The following ERC1 variants were observed in gnomAD, a reference collection of about 807,000 sequenced individuals.
The protein encoded by ERC1 is ELKS/RAB6-interacting/CAST family member 1, also known as RAB6 interacting protein 2.
ERC1 carries 56 observed loss-of-function variants against 132.0 expected under a neutral mutation model. The ratio of observed to expected loss-of-function variants is 0.42; its 90% confidence interval spans 0.34 to 0.53. The LOEUF (loss-of-function observed/expected upper bound fraction) is 0.53. ERC1 is among the 20% of genes least tolerant of loss of function. The pLI is 0.03. For synonymous variants in ERC1, 478 were observed against 476.1 expected, an observed-to-expected ratio of 1.00 and a Z score of -0.05; for missense variants, 1,202 against 1,349.9, an observed-to-expected ratio of 0.89 and a Z score of 1.72.
In ERC1 at chr12:1,371,978, GTAT is replaced by G. The variant is rs757968640; in HGVS notation, c.2925+7_2925+9del. The G allele has an allele frequency of 6.2e-6, 10 of 1,613,048 alleles. No individual in the cohort carries two copies. The African/African-American group carries it at 8.0e-5, about 13-fold the overall frequency. On this transcript the variant is annotated splice_donor_variant and splice_donor_region_variant and intron_variant, in intron 16 of 18. Coordinates refer to ENST00000360905, the MANE Select transcript of ERC1 (RefSeq NM_178040.4). LOFTEE classifies it high-confidence loss of function. ...TCTGGTACAGCAGCTTAAGCAGCAG[GTAT>G]TATTAAATGCCAGCAGGAGGGTCAG... is the stretch of plus-strand genomic sequence containing the variant.
chr12:1,269,890 A>G (rs1298105788), intron 14 of ERC1, among the ~76,000 whole-genome samples: 1 of 152,148 alleles, frequency 6.6e-6, no homozygotes, highest in Admixed American at 6.5e-5. Context: ...TCTATTCCTC[A>G]GAGGTGAAAA....
chr12:1,272,772 G>A (rs1402697077), intron 14 of ERC1, among the ~76,000 whole-genome samples: 2 of 151,654 alleles, frequency 1.3e-5, no homozygotes, highest in Non-Finnish European at 2.9e-5. Context: ...AGATGGTGAA[G>A]CCCCATCTCT....
chr12:1,361,595 C>A (rs183003874), intron 15 of ERC1, among the ~76,000 whole-genome samples: 27 of 152,152 alleles, frequency 1.8e-4, no homozygotes, highest in African/African-American at 6.3e-4. Flanking sequence ...AAAACTAAGA[C>A]CTATATCTAA....
intron 15 of ERC1, among the ~76,000 whole-genome samples, chr12:1,303,238 C>T (rs2080549629): frequency 6.6e-6 from 1 of 152,190 alleles, no homozygotes; most frequent in Non-Finnish European, 1.5e-5. Flanking sequence ...TCAATGGACT[C>T]TTCCTTTCAC....
chr12:1,453,864 A>G (rs1026962549), intron 18 of ERC1, among the ~76,000 whole-genome samples: 2 of 152,218 alleles, frequency 1.3e-5, no homozygotes, highest in African/African-American at 4.8e-5. Flanking sequence ...TGATATAATA[A>G]GAAATACACA....
chr12:1,110,451 C>A, intron 5 of ERC1, 104 bp downstream of exon 5: 1 of 916,968 alleles, frequency 1.1e-6, no homozygotes, highest in Non-Finnish European at 1.6e-6. Context: ...ACTCTTTTAT[C>A]AGGTTTCAGG....
intron 3 of ERC1, among the ~76,000 whole-genome samples, chr12:1,104,145 T>G (rs1003879680): frequency 1.3e-5 from 2 of 151,252 alleles, no homozygotes; most frequent in Non-Finnish European, 2.9e-5. Flanking sequence ...AAAAAAAAGC[T>G]ATGTTTTTCT....
intron 18 of ERC1, among the ~76,000 whole-genome samples, chr12:1,478,699 G>A (rs920460658): frequency 1.3e-5 from 2 of 152,096 alleles, no homozygotes; most frequent in African/African-American, 4.8e-5. Flanking sequence ...TGAGGCAGGA[G>A]GATGGTGTGA....
chr12:1,222,296 C>G (rs985734172), intron 12 of ERC1, among the ~76,000 whole-genome samples: 7 of 150,976 alleles, frequency 4.6e-5, no homozygotes, highest in Admixed American at 6.6e-5. Context: ...GTGGCGCGAT[C>G]TTGGCTCACT....
At chr12:1,186,098 A>G (rs188530135) in intron 11 of ERC1, among the ~76,000 whole-genome samples, 11 of 152,348 alleles carry the variant, frequency 7.2e-5, no homozygotes, top group African/African-American at 9.6e-5. Context: ...AAAGCATTTA[A>G]CAAAATTTAC....
chr12:1,065,771 G>A (rs1347365341), intron 2 of ERC1, among the ~76,000 whole-genome samples: 3 of 151,952 alleles, frequency 2.0e-5, no homozygotes, highest in African/African-American at 7.3e-5. Flanking sequence ...TTTCCTGCAG[G>A]TATATCTACA....
chr12:1,407,290 T>C (rs1027814722), intron 16 of ERC1, among the ~76,000 whole-genome samples: 2 of 152,096 alleles, frequency 1.3e-5, no homozygotes, highest in Non-Finnish European at 2.9e-5. Flanking sequence ...TATATATATA[T>C]ATGAGAGAGA....
intron 8 of ERC1, among the ~76,000 whole-genome samples, chr12:1,175,615 C>G (rs1429477289): frequency 6.6e-6 from 1 of 151,066 alleles, no homozygotes; most frequent in Admixed American, 6.6e-5. Flanking sequence ...TTCACTGCAA[C>G]CTCTGCCTCC....
chr12:1,109,706 A>T (rs112544167), intron 4 of ERC1, among the ~76,000 whole-genome samples: 2 of 152,192 alleles, frequency 1.3e-5, no homozygotes, highest in African/African-American at 2.4e-5. Flanking sequence ...TACTGTGGAT[A>T]TGAGTGCTTC....
chr12:1,188,591 G>A (rs1955375551), intron 11 of ERC1, among the ~76,000 whole-genome samples: 1 of 152,122 alleles, frequency 6.6e-6, no homozygotes, highest in South Asian at 2.1e-4. Context: ...TAAGGGTTAG[G>A]GAAGCCTATA....
chr12:1,465,403 C>G (rs1480437739), intron 18 of ERC1, among the ~76,000 whole-genome samples: 1 of 152,180 alleles, frequency 6.6e-6, no homozygotes, highest in Non-Finnish European at 1.5e-5. Flanking sequence ...CCTAGAAATA[C>G]AAGTAACGTA....
intron 15 of ERC1, among the ~76,000 whole-genome samples, chr12:1,303,203 A>AT (rs989983248): frequency 3.9e-5 from 6 of 152,186 alleles, no homozygotes. Flanking sequence ...ATTTCTTAAA[A>AT]TAAGACAGTA....
chr12:1,040,292 T>C (rs1969957426), intron 2 of ERC1, among the ~76,000 whole-genome samples: 1 of 152,032 alleles, frequency 6.6e-6, no homozygotes, highest in African/African-American at 2.4e-5. Context: ...TTTCTAAAAA[T>C]ACTCATTTTT....
intron 12 of ERC1, among the ~76,000 whole-genome samples, chr12:1,233,568 T>C (rs540568774): frequency 1.7e-4 from 26 of 152,156 alleles, no homozygotes; most frequent in African/African-American, 5.5e-4. Context: ...CCATTAATTA[T>C]TATTTTTACC....
Sources: allele counts gnomAD v4.1 joint callset (sites outside exome capture counted in the v4.1 genomes callset), GRCh38; gene constraint gnomAD v4.1.1; transcripts MANE v1.5; gene names NCBI Gene and HGNC (gene_info 2026-07-23, HGNC 2026-07-21).